The following MAST4 variants were observed in gnomAD, a reference collection of about 807,000 sequenced individuals.
MAST4 encodes microtubule-associated serine/threonine-protein kinase 4.
Under a neutral mutation model 162.7 loss-of-function variants are expected in MAST4, and 89 were observed. The ratio of observed to expected loss-of-function variants is 0.55; its 90% CI spans 0.46 to 0.65. The LOEUF is 0.65. MAST4 is among the 30% of genes least tolerant of loss of function. The probability of loss-of-function intolerance (pLI) is 0.00; values close to 1 mark genes in which losing one functional copy is unlikely to be tolerated. For synonymous variants in MAST4, 1,479 were observed against 1,361.1 expected (o/e 1.09, Z -1.91); for missense variants, 3,153 against 3,374.0 (o/e 0.93, Z 1.62).
At chr5:67,116,546 T>C (rs567756397) in intron 12 of MAST4, among the ~76,000 whole-genome samples, 2 of 151,930 alleles carry the variant, frequency 1.3e-5, no homozygotes, top group South Asian at 2.1e-4. Context: ...ATTTGAAATA[T>C]GACTTCTCCA....
chr5:66,708,452 G>A (rs1359038215), intron 1 of MAST4, among the ~76,000 whole-genome samples: 2 of 152,146 alleles, frequency 1.3e-5, no homozygotes, highest in Non-Finnish European at 1.5e-5. Context: ...ATCTGGTAGT[G>A]GAGCCCATCA....
intron 3 of MAST4, among the ~76,000 whole-genome samples, chr5:66,845,126 TAC>T (rs1554058478): frequency 3.3e-4 from 22 of 67,160 alleles, no homozygotes; most frequent in African/African-American, 1.1e-3. Flanking sequence ...TATATATATA[TAC>T]ACACACACAC....
At chr5:66,650,867 T>A (rs548216010) in intron 1 of MAST4, among the ~76,000 whole-genome samples, 1 of 152,244 alleles carries the variant, frequency 6.6e-6, no homozygotes, top group Non-Finnish European at 1.5e-5. Flanking sequence ...ACTGGCACAT[T>A]GTCACTTCTG....
At chr5:66,915,612 A>G (rs908008179) in intron 4 of MAST4, among the ~76,000 whole-genome samples, 5 of 152,256 alleles carry the variant, frequency 3.3e-5, no homozygotes, top group Middle Eastern at 3.2e-3. Context: ...AGTACAAGTA[A>G]TAGAAAACCT....
rs140232399 is a variant in MAST4 at position 67,080,174 on chromosome 5, C to T, written c.764-9988C>T. 6.9e-3 allele frequency among the ~76,000 whole-genome samples: 1,055 copies of T among 152,274 alleles called. 16 individuals carry two copies. Among genetic ancestry groups the T allele is most frequent in the African/African-American group, 0.024 (1,001 of 41,556 alleles). On this transcript the variant is annotated intron_variant, in intron 5 of 28. Transcript: ENST00000403625. Reference sequence around the variant, plus strand: ...TGCCAAGATCACTTGAAGGAAGCCCCGGGTATCATTTGTCTTTGACTTTCT... The same window carrying T: ...TGCCAAGATCACTTGAAGGAAGCCCTGGGTATCATTTGTCTTTGACTTTCT...
At chr5:66,809,280 C>T (rs1046657739) in intron 3 of MAST4, among the ~76,000 whole-genome samples, 1 of 152,188 alleles carries the variant, frequency 6.6e-6, no homozygotes, top group African/African-American at 2.4e-5. Context: ...ACAGTGATCA[C>T]TAATTAGAAA....
intron 1 of MAST4, among the ~76,000 whole-genome samples, chr5:66,660,337 G>A (rs913974716): frequency 1.3e-5 from 2 of 152,188 alleles, no homozygotes; most frequent in East Asian, 1.9e-4. Context: ...GCAGTCAGCC[G>A]AGATCGCGCC....
chr5:66,823,726 C>T (rs539522879), intron 3 of MAST4, among the ~76,000 whole-genome samples: 1 of 152,200 alleles, frequency 6.6e-6, no homozygotes, highest in African/African-American at 2.4e-5. Flanking sequence ...AACTCCTGAC[C>T]TCAGGTGATC....
chr5:66,788,606 C>CCCAAA, intron 2 of MAST4, 64 bp from the exon 3 acceptor site: 10 of 1,356,374 alleles, frequency 7.4e-6, no homozygotes, highest in South Asian at 1.2e-5. Flanking sequence ...ACCCCCACCC[C>CCCAAA]CATTGCAATA....
intron 19 of MAST4, among the ~76,000 whole-genome samples, chr5:67,139,860 G>A (rs1561707227): frequency 2.0e-5 from 3 of 152,286 alleles, no homozygotes; most frequent in Middle Eastern, 3.4e-3. Flanking sequence ...TGGACCCACT[G>A]ATACCAGCTT....
chr5:66,884,502 A>C (rs985523269), intron 3 of MAST4, among the ~76,000 whole-genome samples: 6 of 152,164 alleles, frequency 3.9e-5, no homozygotes, highest in African/African-American at 1.4e-4. Context: ...CATCTTCTCC[A>C]CTGTTTCCTG....
At chr5:66,659,150 G>C (rs1171122243) in intron 1 of MAST4, among the ~76,000 whole-genome samples, 1 of 152,186 alleles carries the variant, frequency 6.6e-6, no homozygotes, top group African/African-American at 2.4e-5. Flanking sequence ...TGAGTGGGAA[G>C]GGGTGGGTCC....
chr5:66,760,806 A>G (rs1219811435), intron 2 of MAST4, among the ~76,000 whole-genome samples: 1 of 152,194 alleles, frequency 6.6e-6, no homozygotes, highest in Non-Finnish European at 1.5e-5. Flanking sequence ...ATAATTTCAA[A>G]TAGCTAGAGG....
intron 1 of MAST4, among the ~76,000 whole-genome samples, chr5:66,757,825 G>T (rs1245381470): frequency 2.0e-5 from 3 of 152,048 alleles, no homozygotes; most frequent in Non-Finnish European, 4.4e-5. Flanking sequence ...AAAATTGGCA[G>T]AAAAAATAAT....
chr5:67,014,596 C>G (rs1015392951), intron 4 of MAST4, among the ~76,000 whole-genome samples: 2 of 152,162 alleles, frequency 1.3e-5, no homozygotes, highest in African/African-American at 4.8e-5. Flanking sequence ...TCAATAGATG[C>G]CTTCTCTCCT....
At position 66,603,269 on chromosome 5, in the gene MAST4, C is replaced by G. The variant is rs866667163; in HGVS notation, c.363+6251C>G. On this transcript the variant is annotated intron_variant, in intron 1 of 28. Transcript: ENST00000403625. ...GCTTTATTGTATATGATTCATTAACCCTTCTGTTAAGACACCGTTTCTCTT... is the reference window on the plus strand; with the variant it reads ...GCTTTATTGTATATGATTCATTAACGCTTCTGTTAAGACACCGTTTCTCTT... Among the ~76,000 whole-genome samples, 3 of 152,124 alleles carry G rather than the reference C, an allele frequency of 2.0e-5. No individual in the cohort carries two copies. The East Asian group carries it at 5.8e-4, about 29-fold the overall frequency.
chr5:66,659,753 A>C (rs1746784826), intron 1 of MAST4, among the ~76,000 whole-genome samples: 1 of 152,236 alleles, frequency 6.6e-6, no homozygotes, highest in Admixed American at 6.5e-5. Flanking sequence ...ACAGCCAAAC[A>C]AGAGATCCAT....
At chr5:66,910,729 G>GTTTTTTTTT (rs796681892) in intron 4 of MAST4, among the ~76,000 whole-genome samples, 4 of 112,802 alleles carry the variant, frequency 3.5e-5, no homozygotes, top group African/African-American at 1.1e-4. Flanking sequence ...TACACATGTG[G>GTTTTTTTTT]TTTTTTTTTT....
At chr5:66,680,168 T>A (rs912125495) in intron 1 of MAST4, among the ~76,000 whole-genome samples, 3 of 152,174 alleles carry the variant, frequency 2.0e-5, no homozygotes, top group African/African-American at 7.2e-5. Flanking sequence ...GAGAATACAC[T>A]TTGTTCTGAA....
Sources: gnomAD v4.1 joint callset for allele counts (sites outside exome capture counted in the v4.1 genomes callset) on GRCh38, gnomAD v4.1.1 for gene constraint, MANE v1.5 for transcripts, NCBI Gene and HGNC (gene_info 2026-07-23, HGNC 2026-07-21) for gene names.